FLRT2: variants seen among roughly 807,000 people sequenced by gnomAD.
FLRT2 encodes fibronectin leucine rich transmembrane protein 2.
A neutral mutation model predicts 40.0 loss-of-function variants in FLRT2; 15 were observed. That is an observed-to-expected ratio of 0.38 (90% CI 0.25 to 0.58). FLRT2 has a LOEUF of 0.58. FLRT2 is among the 20% of genes least tolerant of loss of function. The probability of loss-of-function intolerance (pLI) is 0.71; values close to 1 mark genes in which losing one functional copy is unlikely to be tolerated. For missense variants in FLRT2, 726 were observed against 840.0 expected (o/e 0.86, Z 1.68); for synonymous variants, 380 against 336.8 (o/e 1.13, Z -1.41).
chr14:85,623,035 C>G lies in FLRT2; in HGVS notation c.1521C>G (p.Thr507=). The part of the protein sequence containing the change: ...DAFNYRAVED[T]ICSEATTHAS... ...TTAACTACCGCGCGGTAGAAGACAC[C>G]ATTTGTTCAGAGGCCACCACCCATG... is the stretch of plus-strand genomic sequence containing the variant. Residue 507 remains threonine, a synonymous_variant, in exon 2 of 2, where the codon ACC becomes ACG. Coordinates refer to ENST00000330753, the MANE Select transcript of FLRT2 (RefSeq NM_013231.6). The G allele has an allele frequency of 6.2e-7, 1 of 1,614,150 alleles. No homozygotes were observed. The highest frequency in any genetic ancestry group is 8.5e-7 in the Non-Finnish European group (1 of 1,180,028).
At chr14:85,534,118 G>T (rs1888489085) in intron 1 of FLRT2, among the ~76,000 whole-genome samples, 1 of 152,198 alleles carries the variant, frequency 6.6e-6, no homozygotes. Flanking sequence ...CAAGATCCCG[G>T]GGATGAGCAC....
At chr14:85,593,825 T>A (rs1892012898) in intron 1 of FLRT2, among the ~76,000 whole-genome samples, 1 of 152,152 alleles carries the variant, frequency 6.6e-6, no homozygotes, top group East Asian at 1.9e-4. Context: ...GCGGATCACT[T>A]GAGGTCAGGA....
chr14:85,653,378 T>A lies in FLRT2; in HGVS notation c.*29881T>A, dbSNP rs1261315346. ...GCTAGTCACACCTGGGTGACCAATA[T>A]CCGGAGGCTCTACGTCAAGTCATTG... is the stretch of plus-strand genomic sequence containing the variant. On this transcript the variant is annotated 3_prime_UTR_variant, in exon 2 of 2. Coordinates refer to ENST00000330753, the MANE Select transcript of FLRT2 (RefSeq NM_013231.6). 5 of 152,140 alleles carry A rather than the reference T, an allele frequency of 3.3e-5. No individual in the cohort carries two copies. The highest frequency in any genetic ancestry group is 7.3e-5 in the Non-Finnish European group (5 of 68,034). 9.4% of individuals were successfully genotyped at this position (152,140 alleles called of 1,614,324 possible).
rs903085914 is a variant in FLRT2 at position 85,621,457 on chromosome 14, A to T, written c.-58A>T. 471 of 1,369,448 alleles carry T rather than the reference A, an allele frequency of 3.4e-4. No individual in the cohort carries two copies. In the African/African-American group the frequency reaches 8.7e-3, roughly 25 times the overall value. The allele number at this position is 1,369,448 out of a possible 1,614,324, so 84.8% of individuals were successfully genotyped here. ...TCCAGTCATTTTGATTTTGCTGTTT[A>T]TTTTTTTTTTCTTTTTCTTTTTCCC... On this transcript the variant is annotated 5_prime_UTR_variant, in exon 2 of 2. Coordinates refer to ENST00000330753, the MANE Select transcript of FLRT2 (RefSeq NM_013231.6).
At chr14:85,586,275 C>T (rs1017320697) in intron 1 of FLRT2, among the ~76,000 whole-genome samples, 59 of 151,878 alleles carry the variant, frequency 3.9e-4, no homozygotes, top group African/African-American at 1.4e-3. Context: ...GTAACTTGTC[C>T]ATAAGTCACA....
chr14:85,626,927 T>A lies in FLRT2; in HGVS notation c.*3430T>A, dbSNP rs1199531859. ...TAGTCATTTCACACAAATCAGAACT[T>A]CCTTCCCCACCAGGGAGGACAACAT... On this transcript the variant is annotated 3_prime_UTR_variant, in exon 2 of 2. Coordinates refer to ENST00000330753, the MANE Select transcript of FLRT2 (RefSeq NM_013231.6). 6.0e-6 allele frequency: 1 copy of A among 167,038 alleles called. No individual in the cohort carries two copies. Among genetic ancestry groups the A allele is most frequent in the African/African-American group, 2.4e-5 (1 of 41,438 alleles). The allele number at this position is 167,038 out of a possible 1,614,324, so 10.3% of individuals were successfully genotyped here.
In FLRT2 at chr14:85,633,182, G is replaced by C. The variant is rs1202830986; in HGVS notation, c.*9685G>C. On this transcript the variant is annotated 3_prime_UTR_variant, in exon 2 of 2. Transcript: ENST00000330753. ...AATTCCTCAAAACACTCAATAATTT[G>C]CACAGCTATTATCAAGATGGGTCTG... The C allele has an allele frequency of 6.6e-6, 1 of 152,058 alleles. No individual in the cohort carries two copies. 9.4% of individuals were successfully genotyped at this position (152,058 alleles called of 1,614,324 possible).
rs1950963 is a variant in FLRT2, at chr14:85,646,161, A to G, written c.*22664A>G. On this transcript the variant is annotated 3_prime_UTR_variant, in exon 2 of 2. Coordinates refer to ENST00000330753, the MANE Select transcript of FLRT2 (RefSeq NM_013231.6). The stretch of plus-strand genomic sequence containing the variant: ...ACTCAGGCCGGTAAGAGTCACTGTT[A>G]TCATTCACCACAAGTTGCCTGAAGC... 0.33 allele frequency: 49,989 copies of G among 152,070 alleles called. 8,865 individuals are homozygous for G. The highest frequency in any genetic ancestry group is 0.4 in the Non-Finnish European group (27,103 of 67,960). The allele number at this position is 152,070 out of a possible 1,614,324, so 9.4% of individuals were successfully genotyped here.
intron 1 of FLRT2, among the ~76,000 whole-genome samples, chr14:85,568,535 A>G (rs2139857393): frequency 6.6e-6 from 1 of 152,290 alleles, no homozygotes. Context: ...ACATTCAAGA[A>G]GCCTGGACCA....
rs1894307618 is a variant in FLRT2 at position 85,646,482 on chromosome 14, G to C, written c.*22985G>C. On this transcript the variant is annotated 3_prime_UTR_variant, in exon 2 of 2. Transcript: ENST00000330753. ...AATCATGAGAAGGAAGGGAGGAAAG[G>C]ATGAAGTAGGTTTGCAGTCCTCTTA... The C allele has an allele frequency of 6.6e-6, 1 of 152,196 alleles. No homozygotes were observed. Among genetic ancestry groups the C allele is most frequent in the Non-Finnish European group, 1.5e-5 (1 of 68,052 alleles). The allele number at this position is 152,196 out of a possible 1,614,324, so 9.4% of individuals were successfully genotyped here.
intron 1 of FLRT2, among the ~76,000 whole-genome samples, chr14:85,556,997 C>G (rs1192073553): frequency 2.0e-5 from 3 of 152,094 alleles, no homozygotes; most frequent in African/African-American, 4.8e-5. Flanking sequence ...GAAGCAGAAA[C>G]CCCTGATAAA....
chr14:85,590,437 A>G (rs112069924), intron 1 of FLRT2, among the ~76,000 whole-genome samples: 22 of 152,286 alleles, frequency 1.4e-4, no homozygotes, highest in African/African-American at 4.8e-4. Flanking sequence ...TTTCATCTCA[A>G]TGATAGGTGA....
chr14:85,563,438 A>C (rs1161144743), intron 1 of FLRT2, among the ~76,000 whole-genome samples: 1 of 152,234 alleles, frequency 6.6e-6, no homozygotes, highest in Non-Finnish European at 1.5e-5. Flanking sequence ...TAATTGACTC[A>C]CAGTTCCTCA....
At chr14:85,606,280 G>A (rs1359198049) in intron 1 of FLRT2, among the ~76,000 whole-genome samples, 1 of 152,046 alleles carries the variant, frequency 6.6e-6, no homozygotes. Context: ...TTTTGTTGAG[G>A]GTGTGAGAAC....
At chr14:85,584,782 C>T (rs1229857464) in intron 1 of FLRT2, among the ~76,000 whole-genome samples, 2 of 152,068 alleles carry the variant, frequency 1.3e-5, no homozygotes, top group East Asian at 1.9e-4. Flanking sequence ...TGCACATCTG[C>T]GAGAATACTG....
intron 1 of FLRT2, among the ~76,000 whole-genome samples, chr14:85,538,344 GACAT>G (rs1888793579): frequency 6.6e-6 from 1 of 152,204 alleles, no homozygotes; most frequent in Admixed American, 6.5e-5. Context: ...ACTTACTAAG[GACAT>G]ACTTTTTCTG....
In FLRT2 at chr14:85,620,864, TAAAAG is replaced by T. The variant is rs569368487; in HGVS notation, c.-376-273_-376-269del. ...GATATGCAAATAGATAAAGAATAGATAAAAGAGAAGGTACTGATTAGGATGTTAAA... is the reference window on the plus strand; with the variant it reads ...GATATGCAAATAGATAAAGAATAGATAGAAGGTACTGATTAGGATGTTAAA... On this transcript the variant is annotated intron_variant, in intron 1 of 1. Coordinates refer to ENST00000330753, the MANE Select transcript of FLRT2 (RefSeq NM_013231.6). Among the ~76,000 whole-genome samples the T allele has an allele frequency of 5.5e-3, 834 of 152,338 alleles. 3 individuals carry two copies. The highest frequency in any genetic ancestry group is 0.01 in the Middle Eastern group (3 of 294).
At position 85,622,094 on chromosome 14, in the gene FLRT2, G is replaced by T. The variant is rs761861199; in HGVS notation, c.580G>T (p.Val194Phe). ...GAGAGTGGATGAAAATCGAATTGCTGTCATATCCGACATGGCCTTCCAGAA... is the reference window on the plus strand; with the variant it reads ...GAGAGTGGATGAAAATCGAATTGCTTTCATATCCGACATGGCCTTCCAGAA... ...ELRVDENRIA[V>F]ISDMAFQNLT... The change falls in exon 2 of 2, where the codon GTC becomes TTC. Residue 194 changes from valine to phenylalanine, a missense_variant. Val to Phe is a conservative substitution (Grantham distance 50). Around this residue, in one of 3 missense-constraint regions of FLRT2, gnomAD observed 611 missense variants for 690.0 expected, o/e 0.89. Transcript: ENST00000330753. The T allele has an allele frequency of 1.2e-6, 2 of 1,614,026 alleles. No individual in the cohort carries two copies. The highest frequency in any genetic ancestry group is 1.7e-6 in the Non-Finnish European group (2 of 1,180,034).
At chr14:85,599,430 A>G (rs148963675) in intron 1 of FLRT2, among the ~76,000 whole-genome samples, 1 of 152,268 alleles carries the variant, frequency 6.6e-6, no homozygotes, top group East Asian at 1.9e-4. Flanking sequence ...TCTTAAAGCA[A>G]CCATGTAAAG....
Sources: gnomAD v4.1 joint callset for allele counts (sites outside exome capture counted in the v4.1 genomes callset) on GRCh38, gnomAD v4.1.1 for gene constraint, gnomAD v4.1.1 regional missense constraint, MANE v1.5 for transcripts, NCBI Gene and HGNC (gene_info 2026-07-23, HGNC 2026-07-21) for gene names.